Variants in EPHA4 observed in about 807,000 individuals in gnomAD.
EPHA4 encodes ephrin type-A receptor 4.
A neutral mutation model predicts 108.3 loss-of-function variants in EPHA4; 19 were observed. The ratio of observed to expected loss-of-function variants is 0.18; its 90% confidence interval spans 0.12 to 0.26. The LOEUF (loss-of-function observed/expected upper bound fraction) is 0.26, where lower values mean the gene tolerates loss of function less well. EPHA4 is among the 10% of genes least tolerant of loss of function. The pLI is 1.00. For synonymous variants in EPHA4, 449 were observed against 455.5 expected (o/e 0.99, Z 0.18); for missense variants, 917 against 1,254.0 (o/e 0.73, Z 4.06).
chr2:221,482,805 GA>G (rs1206688430), intron 4 of EPHA4, 115 bp from the exon 5 acceptor site: 1 of 934,928 alleles, frequency 1.1e-6, no homozygotes, highest in African/African-American at 1.7e-5. Flanking sequence ...ACTTGGCAAA[GA>G]AAGCAAAAAG....
At chr2:221,528,530 ATAT>A (rs1361295988) in intron 3 of EPHA4, among the ~76,000 whole-genome samples, 1 of 152,182 alleles carries the variant, frequency 6.6e-6, no homozygotes, top group Non-Finnish European at 1.5e-5. Flanking sequence ...TTTCATTATA[ATAT>A]TATTATCTGA....
At chr2:221,554,661 A>G (rs192146471) in intron 3 of EPHA4, among the ~76,000 whole-genome samples, 1 of 152,352 alleles carries the variant, frequency 6.6e-6, no homozygotes, top group Admixed American at 6.5e-5. Flanking sequence ...AATTATAGTC[A>G]ATACACATTT....
intron 3 of EPHA4, among the ~76,000 whole-genome samples, chr2:221,506,952 G>C (rs894553791): frequency 6.6e-6 from 1 of 152,142 alleles, no homozygotes; most frequent in East Asian, 1.9e-4. Context: ...TTGTTGGAGA[G>C]AGAACATTTC....
At chr2:221,439,911 C>T (rs1326585781) in intron 11 of EPHA4, among the ~76,000 whole-genome samples, 2 of 152,188 alleles carry the variant, frequency 1.3e-5, no homozygotes, top group Non-Finnish European at 2.9e-5. Flanking sequence ...AATGAATTCA[C>T]ACGCTTCCAC....
chr2:221,487,931 G>A (rs532557320), intron 4 of EPHA4, among the ~76,000 whole-genome samples: 13 of 152,150 alleles, frequency 8.5e-5, no homozygotes, highest in African/African-American at 3.1e-4. Flanking sequence ...GATATTAATG[G>A]TAATCCCAGA....
intron 8 of EPHA4, among the ~76,000 whole-genome samples, chr2:221,453,649 G>C (rs6728641): frequency 0.24 from 36,878 of 151,994 alleles, 5,455 homozygotes; most frequent in Non-Finnish European, 0.33. Context: ...TTTTGTATGT[G>C]TGTGTATTAA....
chr2:221,423,689 C>T (rs1328237440), intron 17 of EPHA4, among the ~76,000 whole-genome samples: 3 of 151,454 alleles, frequency 2.0e-5, no homozygotes, highest in Admixed American at 1.3e-4. Context: ...TGGACATGTT[C>T]TCTGTTGAAA....
chr2:221,423,775 A>AAC (rs1689819840), intron 17 of EPHA4, among the ~76,000 whole-genome samples: 1 of 151,002 alleles, frequency 6.6e-6, no homozygotes. Context: ...AAAAAAAAAA[A>AAC]CTTTTAATTA....
intron 3 of EPHA4, among the ~76,000 whole-genome samples, chr2:221,519,931 T>C (rs1031974758): frequency 6.6e-6 from 1 of 151,980 alleles, no homozygotes; most frequent in Non-Finnish European, 1.5e-5. Flanking sequence ...TTTCTCTCCC[T>C]CTGGACTGAG....
Position 221,472,224 on chromosome 2 carries a change from C to T in EPHA4, c.1318+10128G>A, listed in dbSNP as rs547646757. ...GGCTTGTTTATATGTGTGGTCCTAG[C>T]TTTGAAAAAGAAACATGAACGAAAC... is the stretch of plus-strand genomic sequence containing the variant. On this transcript the variant is annotated intron_variant, in intron 5 of 17. Coordinates refer to ENST00000281821, the MANE Select transcript of EPHA4 (RefSeq NM_004438.5). Among the ~76,000 whole-genome samples, 11 of 146,034 alleles carry T rather than the reference C, an allele frequency of 7.5e-5. No homozygotes were observed. In the East Asian group the frequency reaches 2.2e-3, roughly 30 times the overall value.
intron 3 of EPHA4, among the ~76,000 whole-genome samples, chr2:221,521,869 C>T (rs371395155): frequency 2.0e-5 from 3 of 152,040 alleles, no homozygotes; most frequent in Non-Finnish European, 2.9e-5. Context: ...CCCAGCTACT[C>T]GGGAGGCTGA....
At chr2:221,497,669 G>A (rs1158801101) in intron 4 of EPHA4, among the ~76,000 whole-genome samples, 1 of 151,908 alleles carries the variant, frequency 6.6e-6, no homozygotes, top group Non-Finnish European at 1.5e-5. Flanking sequence ...CCGGGAGGTG[G>A]AGGTTGCAGT....
At chr2:221,503,850 G>A (rs753731550) in intron 3 of EPHA4, among the ~76,000 whole-genome samples, 36 of 152,114 alleles carry the variant, frequency 2.4e-4, no homozygotes, top group Non-Finnish European at 4.7e-4. Flanking sequence ...GGCTTTTCAC[G>A]CACATAGCCA....
intron 10 of EPHA4, 46 bp downstream of exon 10, chr2:221,443,447 C>T: frequency 7.3e-7 from 1 of 1,378,556 alleles, no homozygotes; most frequent in Non-Finnish European, 1.0e-6. Context: ...ATTTAACATC[C>T]ACCAAGAAAA....
chr2:221,439,601 C>T (rs1690353574), intron 11 of EPHA4, among the ~76,000 whole-genome samples: 1 of 151,966 alleles, frequency 6.6e-6, no homozygotes, highest in Non-Finnish European at 1.5e-5. Flanking sequence ...GATCCTCCTG[C>T]CTCAGCCTCT....
In EPHA4 at chr2:221,572,023, C is replaced by A. The variant is rs368130556; in HGVS notation, c.91+135G>T. On this transcript the variant is annotated intron_variant, in intron 1 of 17. Transcript: ENST00000281821. ...CCCTTCGCCGATCCCCTCGCCTCAG[C>A]CCCCTTCTCCCGAATCGGGACGCAC... 2,335 of 741,270 alleles carry A rather than the reference C, an allele frequency of 3.2e-3. 17 individuals carry two copies. The highest frequency in any genetic ancestry group is 6.7e-3 in the South Asian group (412 of 61,722). 45.9% of individuals were successfully genotyped at this position (741,270 alleles called of 1,614,324 possible).
intron 3 of EPHA4, among the ~76,000 whole-genome samples, chr2:221,508,809 G>T (rs1166508228): frequency 6.6e-6 from 1 of 152,082 alleles, no homozygotes; most frequent in African/African-American, 2.4e-5. Flanking sequence ...ATTACACCAT[G>T]AAATTCAAAG....
intron 4 of EPHA4, among the ~76,000 whole-genome samples, chr2:221,490,575 G>A (rs187843762): frequency 1.5e-4 from 23 of 152,304 alleles, no homozygotes; most frequent in African/African-American, 4.1e-4. Flanking sequence ...TATCTTGGAG[G>A]AAGCAGCACC....
intron 5 of EPHA4, among the ~76,000 whole-genome samples, chr2:221,476,161 A>G (rs1333636025): frequency 1.3e-5 from 2 of 152,186 alleles, no homozygotes; most frequent in East Asian, 1.9e-4. Context: ...CAGTGGTTGC[A>G]TGAACCGAGA....
Sources: allele counts gnomAD v4.1 joint callset (sites outside exome capture counted in the v4.1 genomes callset), GRCh38; gene constraint gnomAD v4.1.1; transcripts MANE v1.5; gene names NCBI Gene and HGNC (gene_info 2026-07-23, HGNC 2026-07-21).